USP54: variants seen among roughly 807,000 people sequenced by gnomAD.
USP54 encodes ubiquitin carboxyl-terminal hydrolase 54.
In USP54, 87 loss-of-function variants were observed where a neutral mutation model predicts 170.5. That is an observed-to-expected ratio of 0.51 (90% CI 0.43 to 0.61). The LOEUF (loss-of-function observed/expected upper bound fraction) is 0.61, where lower values mean the gene tolerates loss of function less well. Among genes scored for constraint, USP54 ranks in the 20% least tolerant of loss-of-function variants. The pLI is 0.00. For missense variants in USP54, 1,786 were observed against 2,047.8 expected, an observed-to-expected ratio of 0.87 and a Z score of 2.47; for synonymous variants, 655 against 742.8, an observed-to-expected ratio of 0.88 and a Z score of 1.92.
chr10:73,535,540 A>G (rs1320091092), intron 11 of USP54, among the ~76,000 whole-genome samples: 2 of 152,236 alleles, frequency 1.3e-5, no homozygotes, highest in Non-Finnish European at 2.9e-5. Flanking sequence ...TAATCAAGCC[A>G]AAACTATTAG....
At chr10:73,590,999 GA>G (rs199870034) in intron 1 of USP54, among the ~76,000 whole-genome samples, 5 of 146,852 alleles carry the variant, frequency 3.4e-5, no homozygotes, top group African/African-American at 1.0e-4. Context: ...GAAAATCTAT[GA>G]ATTTTTTTTT....
chr10:73,613,132 CTTTT>C (rs967595386), intron 1 of USP54, among the ~76,000 whole-genome samples: 1 of 127,400 alleles, frequency 7.8e-6, no homozygotes, highest in Non-Finnish European at 1.7e-5. Context: ...ATTCCAGCCT[CTTTT>C]TTTTTTTTTT....
chr10:73,520,127 C>G (rs1166700876), intron 18 of USP54, 135 bp from the exon 19 acceptor site: 1 of 1,251,528 alleles, frequency 8.0e-7, no homozygotes, highest in African/African-American at 1.5e-5. Context: ...AGGCATGGAC[C>G]ATGCATATGC....
chr10:73,622,072 A>G (rs1391771558), intron 1 of USP54, among the ~76,000 whole-genome samples: 4 of 152,172 alleles, frequency 2.6e-5, no homozygotes, highest in Non-Finnish European at 5.9e-5. Context: ...CTTTCTTAGT[A>G]TATTAGAATC....
intron 22 of USP54, among the ~76,000 whole-genome samples, chr10:73,502,145 T>G (rs2058260798): frequency 6.6e-6 from 1 of 152,234 alleles, no homozygotes; most frequent in South Asian, 2.1e-4. Flanking sequence ...CCAGTATGTC[T>G]AATTTCCTTT....
At chr10:73,568,343 C>G (rs2074305323) in intron 4 of USP54, among the ~76,000 whole-genome samples, 1 of 152,180 alleles carries the variant, frequency 6.6e-6, no homozygotes, top group Non-Finnish European at 1.5e-5. Context: ...ATGAAGCTCT[C>G]CATCCTGGAT....
At chr10:73,613,132 CTTTTT>C (rs967595386) in intron 1 of USP54, among the ~76,000 whole-genome samples, 1 of 127,410 alleles carries the variant, frequency 7.8e-6, no homozygotes, top group Non-Finnish European at 1.7e-5. Flanking sequence ...ATTCCAGCCT[CTTTTT>C]TTTTTTTTTT....
intron 1 of USP54, among the ~76,000 whole-genome samples, chr10:73,588,094 A>G (rs971860721): frequency 7.9e-5 from 12 of 152,324 alleles, no homozygotes; most frequent in Admixed American, 7.8e-4. Context: ...ACACACATAT[A>G]ACTACTATAA....
Position 73,530,236 on chromosome 10 carries a change from T to C in USP54, c.1735A>G (p.Lys579Glu). Residue 579 changes from lysine to glutamate, a missense_variant, in exon 14 of 24, where the codon AAA becomes GAA. Physicochemically the swap from Lys to Glu is moderately conservative, Grantham distance 56. Coordinates refer to ENST00000687698, the MANE Select transcript of USP54 (RefSeq NM_001391956.1). ...CTGTCAATATTCAGAGATTCTCGTTTGGGTCTCCATGTGGGACGATACTTG... is the reference window on the plus strand; with the variant it reads ...CTGTCAATATTCAGAGATTCTCGTTCGGGTCTCCATGTGGGACGATACTTG... ...SSKYRPTWRP[K>E]RESLNIDSIF... 6.2e-7 allele frequency: 1 copy of C among 1,614,218 alleles called. No homozygotes were observed. Among genetic ancestry groups the C allele is most frequent in the Non-Finnish European group, 8.5e-7 (1 of 1,180,044 alleles).
intron 1 of USP54, among the ~76,000 whole-genome samples, chr10:73,625,222 C>G (rs1036522952): frequency 9.2e-5 from 14 of 151,512 alleles, no homozygotes; most frequent in African/African-American, 2.4e-4. Flanking sequence ...CTCCCGCCCC[C>G]CTACCCTGCG....
intron 19 of USP54, among the ~76,000 whole-genome samples, 194 bp from the exon 20 acceptor site, chr10:73,517,941 G>A (rs1270665348): frequency 6.6e-6 from 1 of 152,170 alleles, no homozygotes; most frequent in East Asian, 1.9e-4. Context: ...CTCACACTCA[G>A]GTAAATAGGT....
intron 15 of USP54, 127 bp downstream of exon 15, chr10:73,529,553 T>C (rs2063595292): frequency 9.4e-7 from 1 of 1,058,862 alleles, no homozygotes. Flanking sequence ...TATAGGAAGT[T>C]GAAAGAGCAC....
At chr10:73,558,807 A>G (rs2071950798) in intron 4 of USP54, among the ~76,000 whole-genome samples, 1 of 152,196 alleles carries the variant, frequency 6.6e-6, no homozygotes, top group Non-Finnish European at 1.5e-5. Flanking sequence ...AACTTTTGAC[A>G]CCCCAAAAAC....
Position 73,539,585 on chromosome 10 carries a change from G to A in USP54, c.834C>T (p.Phe278=). The A allele has an allele frequency of 1.3e-6, 2 of 1,595,888 alleles. No homozygotes were observed. The highest frequency in any genetic ancestry group is 1.7e-6 in the Non-Finnish European group (2 of 1,168,506). Residue 278 remains phenylalanine, a synonymous_variant, in exon 10 of 24, where the codon TTC becomes TTT. Coordinates refer to ENST00000687698, the MANE Select transcript of USP54 (RefSeq NM_001391956.1). The stretch of plus-strand genomic sequence containing the variant: ...GCTTGGCCCGGTCATCCGTCACTCT[G>A]AAAAACAGCTGAGGGGAAAGAAGAG... ...GTCLKLGDLF[F]RVTDDRAKQS... is the part of the protein sequence containing the mutation.
Position 73,516,694 on chromosome 10 carries a change from C to T in USP54, c.3732G>A (p.Arg1244=). ...QEKLSQVRDV[R]SKDLGSSTDL... ...CAGTACTGCTGCCCAGATCCTTAGACCTAACATCTCTCACTTGGGACAGCT... is the reference window on the plus strand; with the variant it reads ...CAGTACTGCTGCCCAGATCCTTAGATCTAACATCTCTCACTTGGGACAGCT... The change falls in exon 20 of 24, where the codon AGG becomes AGA. Residue 1244 remains arginine, a synonymous_variant. Coordinates refer to ENST00000687698, the MANE Select transcript of USP54 (RefSeq NM_001391956.1). 1 of 1,614,188 alleles carries T rather than the reference C, an allele frequency of 6.2e-7. No homozygotes were observed. Among genetic ancestry groups the T allele is most frequent in the Non-Finnish European group, 8.5e-7 (1 of 1,180,038 alleles).
At chr10:73,511,484 ACC>A (rs2060201654) in intron 20 of USP54, among the ~76,000 whole-genome samples, 1 of 151,412 alleles carries the variant, frequency 6.6e-6, no homozygotes, top group Non-Finnish European at 1.5e-5. Context: ...ACATGGTGAA[ACC>A]CCGTCTCTAC....
intron 12 of USP54, among the ~76,000 whole-genome samples, chr10:73,533,590 A>G (rs545643019): frequency 2.0e-5 from 3 of 151,824 alleles, no homozygotes; most frequent in East Asian, 3.9e-4. Flanking sequence ...TAAACCACCA[A>G]TCTCAAACAA....
chr10:73,574,470 T>C (rs756256115), intron 3 of USP54, among the ~76,000 whole-genome samples: 1 of 152,126 alleles, frequency 6.6e-6, no homozygotes, highest in African/African-American at 2.4e-5. Flanking sequence ...GCAACTAGGA[T>C]AACACACCTT....
chr10:73,548,844 G>A (rs762449042), intron 4 of USP54, among the ~76,000 whole-genome samples: 3 of 152,132 alleles, frequency 2.0e-5, no homozygotes, highest in East Asian at 1.9e-4. Context: ...TGCACGTTGT[G>A]CACATGTACC....
Sources: allele counts gnomAD v4.1 joint callset (sites outside exome capture counted in the v4.1 genomes callset), GRCh38; gene constraint gnomAD v4.1.1; transcripts MANE v1.5; gene names NCBI Gene and HGNC (gene_info 2026-07-23, HGNC 2026-07-21).